Variants in BAIAP2 observed in about 807,000 individuals in gnomAD.
The protein encoded by BAIAP2 is BAR/IMD domain-containing adapter protein 2.
BAIAP2 carries 18 observed loss-of-function variants against 63.0 expected under a neutral mutation model. That is an observed-to-expected ratio of 0.29 (90% confidence interval 0.20 to 0.42). The LOEUF (loss-of-function observed/expected upper bound fraction) is 0.42. Among genes scored for constraint, BAIAP2 ranks in the 10% least tolerant of loss-of-function variants. The pLI is 1.00. For synonymous variants in BAIAP2, 386 were observed against 307.6 expected (o/e 1.25, Z -2.67); for missense variants, 610 against 734.3 (o/e 0.83, Z 1.96).
intron 3 of BAIAP2, among the ~76,000 whole-genome samples, chr17:81,067,429 C>T (rs898844195): frequency 6.6e-6 from 1 of 152,230 alleles, no homozygotes; most frequent in African/African-American, 2.4e-5. Flanking sequence ...TTGTTCCCCT[C>T]TGGCTGTGGC....
At chr17:81,062,991 T>C (rs1035501786) in intron 3 of BAIAP2, among the ~76,000 whole-genome samples, 3 of 150,140 alleles carry the variant, frequency 2.0e-5, no homozygotes, top group African/African-American at 2.4e-5. Flanking sequence ...CCGATATCTT[T>C]CCTGTGGTGG....
At chr17:81,098,161 G>T in intron 6 of BAIAP2, 1 of 1,471,328 alleles carries the variant, frequency 6.8e-7, no homozygotes, top group Non-Finnish European at 9.0e-7. Flanking sequence ...CTGGGGTTTG[G>T]AACTGTCACT....
intron 3 of BAIAP2, among the ~76,000 whole-genome samples, chr17:81,079,473 C>T (rs2145101746): frequency 6.6e-6 from 1 of 152,220 alleles, no homozygotes; most frequent in South Asian, 2.1e-4. Context: ...TGTGTAGACA[C>T]ATCACCCGTG....
intron 3 of BAIAP2, among the ~76,000 whole-genome samples, chr17:81,069,027 A>C (rs2052047441): frequency 6.6e-6 from 1 of 152,080 alleles, no homozygotes; most frequent in Admixed American, 6.5e-5. Flanking sequence ...CAGCAGCCCC[A>C]GGGGTGATCC....
intron 13 of BAIAP2, among the ~76,000 whole-genome samples, chr17:81,111,468 C>T (rs370536775): frequency 5.6e-4 from 86 of 152,310 alleles, no homozygotes; most frequent in African/African-American, 1.4e-3. Flanking sequence ...CACTGGGGAC[C>T]GGGCTGTGCT....
chr17:81,058,872 A>T (rs36058554), intron 3 of BAIAP2, among the ~76,000 whole-genome samples: 27,210 of 151,916 alleles, frequency 0.18, 2,595 homozygotes, highest in South Asian at 0.21. Flanking sequence ...CGGGGACTGA[A>T]AGCCCCCTTG....
intron 2 of BAIAP2, among the ~76,000 whole-genome samples, chr17:81,056,120 A>G (rs2049511368): frequency 1.3e-5 from 2 of 152,042 alleles, no homozygotes; most frequent in South Asian, 4.1e-4. Flanking sequence ...CGCTGGAGAG[A>G]GGCTCCCGAA....
chr17:81,041,771 C>T (rs1187226375), intron 1 of BAIAP2, among the ~76,000 whole-genome samples: 2 of 152,050 alleles, frequency 1.3e-5, no homozygotes, highest in Non-Finnish European at 2.9e-5. Flanking sequence ...GGGATTTTTC[C>T]ATGTTCGTCA....
At chr17:81,057,661 C>T (rs2049818742) in intron 2 of BAIAP2, 2 of 1,349,448 alleles carry the variant, frequency 1.5e-6, no homozygotes, top group South Asian at 4.1e-5. Context: ...ACGTTGTGTT[C>T]TTACGAGTCA....
intron 6 of BAIAP2, among the ~76,000 whole-genome samples, chr17:81,091,653 C>T (rs945437957): frequency 1.6e-4 from 25 of 152,208 alleles, no homozygotes; most frequent in Admixed American, 7.8e-4. Context: ...CTGGCCCATT[C>T]GGGCTCCTGG....
chr17:81,111,832 T>TC (rs1376179881), intron 13 of BAIAP2, among the ~76,000 whole-genome samples: 2 of 152,302 alleles, frequency 1.3e-5, no homozygotes, highest in South Asian at 2.1e-4. Context: ...CCACCACCCT[T>TC]CCATCCCCAA....
At chr17:81,100,521 A>G (rs1303169011) in intron 7 of BAIAP2, among the ~76,000 whole-genome samples, 1 of 151,948 alleles carries the variant, frequency 6.6e-6, no homozygotes, top group South Asian at 2.1e-4. Context: ...GTCCTGGGGT[A>G]CAGCCTCTGG....
Position 81,116,087 on chromosome 17 carries a change from G to A in BAIAP2, c.*248G>A. ...CCAGGGCTGAGGGGCCGCCTCTTGA[G>A]GGTACACGCCTCTGGTCACATGGCC... On this transcript the variant is annotated 3_prime_UTR_variant, in exon 14 of 14. Transcript: ENST00000428708. The A allele has an allele frequency of 6.6e-7, 1 of 1,506,740 alleles. No homozygotes were observed. The highest frequency in any genetic ancestry group is 2.4e-5 in the East Asian group (1 of 42,512). The allele number at this position is 1,506,740 out of a possible 1,614,324, so 93.3% of individuals were successfully genotyped here.
At chr17:81,091,978 C>T (rs544151952) in intron 6 of BAIAP2, among the ~76,000 whole-genome samples, 63 of 152,358 alleles carry the variant, frequency 4.1e-4, no homozygotes, top group African/African-American at 1.2e-3. Context: ...GCTGGACGGG[C>T]GCCCCCATCT....
At chr17:81,058,059 G>C in intron 3 of BAIAP2, 92 bp downstream of exon 3, 1 of 1,087,628 alleles carries the variant, frequency 9.2e-7, no homozygotes, top group Non-Finnish European at 1.3e-6. Flanking sequence ...TTTTTGATTT[G>C]GGATCAGGTT....
intron 3 of BAIAP2, among the ~76,000 whole-genome samples, chr17:81,081,794 G>T (rs1330120444): frequency 1.3e-5 from 2 of 152,162 alleles, no homozygotes; most frequent in African/African-American, 2.4e-5. Flanking sequence ...AGAGGCCACC[G>T]CAGTGGTGCA....
Position 81,104,125 on chromosome 17 carries a change from G to C in BAIAP2, c.1066+17G>C, listed in dbSNP as rs554537696. The C allele has an allele frequency of 7.9e-5, 127 of 1,612,052 alleles. 2 individuals carry two copies. The South Asian group carries it at 1.3e-3, about 17-fold the overall frequency. On this transcript the variant is annotated intron_variant, in intron 9 of 13. Coordinates refer to ENST00000428708, the MANE Select transcript of BAIAP2 (RefSeq NM_001144888.2). The stretch of plus-strand genomic sequence containing the variant: ...ATGCCACCAGTAAGGGCTCCGCTGG[G>C]GTGTTGGGCTGGGGTCCCTGGACGT...
rs542277540 is a variant in BAIAP2, at chr17:81,109,185, G to GC, written c.1535+683dup. The stretch of plus-strand genomic sequence containing the variant: ...CAGGGTCCATGGTGCTGCTCCATCC[G>GC]CCCCCCCTCCCCTGTGTTTACGCGC... On this transcript the variant is annotated intron_variant, in intron 13 of 13. Coordinates refer to ENST00000428708, the MANE Select transcript of BAIAP2 (RefSeq NM_001144888.2). 2.7e-4 allele frequency: 373 copies of GC among 1,405,786 alleles called. 1 individual carries two copies. In the African/African-American group the frequency reaches 3.2e-3, roughly 12 times the overall value. 87.1% of individuals were successfully genotyped at this position (1,405,786 alleles called of 1,614,324 possible).
At position 81,103,734 on chromosome 17, in the gene BAIAP2, G is replaced by A. The variant is rs766736894; in HGVS notation, c.864+11G>A. The A allele has an allele frequency of 1.7e-5, 27 of 1,592,512 alleles. No individual in the cohort carries two copies. The highest frequency in any genetic ancestry group is 2.1e-5 in the Non-Finnish European group (25 of 1,172,926). On this transcript the variant is annotated intron_variant, in intron 8 of 13. Coordinates refer to ENST00000428708, the MANE Select transcript of BAIAP2 (RefSeq NM_001144888.2). The stretch of plus-strand genomic sequence containing the variant: ...GCACCGTTCGTGGGGGTGAGTCTGT[G>A]GCCTCTGGAAAGCTTCACGGGTGTG...
Sources: allele counts gnomAD v4.1 joint callset (sites outside exome capture counted in the v4.1 genomes callset), GRCh38; gene constraint gnomAD v4.1.1; transcripts MANE v1.5; gene names NCBI Gene and HGNC (gene_info 2026-07-23, HGNC 2026-07-21).